Variants in DLGAP1 observed in about 807,000 individuals in gnomAD.
DLGAP1 encodes the protein DLG associated protein 1, also known as disks large-associated protein 1.
A neutral mutation model predicts 90.8 loss-of-function variants in DLGAP1; 11 were observed. That is an observed-to-expected ratio of 0.12 (90% CI 0.08 to 0.20). The LOEUF (loss-of-function observed/expected upper bound fraction) is 0.20, where lower values mean the gene tolerates loss of function less well. Ranked by LOEUF, DLGAP1 falls within the 10% of genes least tolerant of loss-of-function variation. The pLI, the probability that DLGAP1 is intolerant of heterozygous loss-of-function variation, is 1.00. For synonymous variants in DLGAP1, 558 were observed against 540.7 expected (o/e 1.03, Z -0.44); for missense variants, 1,050 against 1,333.8 (o/e 0.79, Z 3.31).
At chr18:4,074,288 G>A (rs2075493227) in intron 2 of DLGAP1, among the ~76,000 whole-genome samples, 1 of 151,874 alleles carries the variant, frequency 6.6e-6, no homozygotes, top group Non-Finnish European at 1.5e-5. Context: ...TATTTCTTAG[G>A]TTCTACCTCT....
Position 3,960,431 on chromosome 18 carries a change from C to A in DLGAP1, c.-73+44685G>T, listed in dbSNP as rs28576272. ...AAATTGCTTTAGCCAGGCATGGTGG[C>A]CTGTACCTATAGTCCCAGCTAATGG... On this transcript the variant is annotated intron_variant, in intron 3 of 12. Coordinates refer to ENST00000315677, the MANE Select transcript of DLGAP1 (RefSeq NM_004746.4). Among the ~76,000 whole-genome samples, 108 of 152,102 alleles carry A rather than the reference C, an allele frequency of 7.1e-4. 1 individual carries two copies. The highest frequency in any genetic ancestry group is 2.5e-3 in the African/African-American group (103 of 41,488).
intron 5 of DLGAP1, chr18:3,774,136 G>A (rs3844078): frequency 0.51 from 77,370 of 151,908 alleles, 20,474 homozygotes; most frequent in African/African-American, 0.65. Context: ...AGCTGTTCCA[G>A]TAACTCAGTG....
chr18:4,104,179 T>C (rs1009061947), intron 2 of DLGAP1, among the ~76,000 whole-genome samples: 1 of 152,018 alleles, frequency 6.6e-6, no homozygotes, highest in Non-Finnish European at 1.5e-5. Context: ...AGAAATCACC[T>C]AACATTTTCT....
At chr18:4,187,312 T>C (rs1431895918) in intron 1 of DLGAP1, among the ~76,000 whole-genome samples, 4 of 152,122 alleles carry the variant, frequency 2.6e-5, no homozygotes, top group Non-Finnish European at 5.9e-5. Context: ...AGACAGAGCA[T>C]CCTTGTCTTG....
Position 3,518,699 on chromosome 18 carries a change from C to T in DLGAP1, c.2480-10038G>A, listed in dbSNP as rs73939846. On this transcript the variant is annotated intron_variant, in intron 10 of 12. Coordinates refer to ENST00000315677, the MANE Select transcript of DLGAP1 (RefSeq NM_004746.4). ...ACTCAGACTCTTTTTCCTTTAATGGCCATAATATCATCTCCATAGCATTGC... is the reference window on the plus strand; with the variant it reads ...ACTCAGACTCTTTTTCCTTTAATGGTCATAATATCATCTCCATAGCATTGC... Among the ~76,000 whole-genome samples, 335 of 152,182 alleles carry T rather than the reference C, an allele frequency of 2.2e-3. 1 individual carries two copies. The highest frequency in any genetic ancestry group is 7.3e-3 in the African/African-American group (302 of 41,506).
chr18:4,216,668 T>C (rs969881587), intron 1 of DLGAP1, among the ~76,000 whole-genome samples: 4 of 152,118 alleles, frequency 2.6e-5, no homozygotes, highest in African/African-American at 9.7e-5. Context: ...ACAACTTCTA[T>C]CTTACTCCCT....
chr18:3,770,274 A>T (rs1296164561), intron 5 of DLGAP1, among the ~76,000 whole-genome samples: 1 of 152,114 alleles, frequency 6.6e-6, no homozygotes, highest in Non-Finnish European at 1.5e-5. Context: ...TCACTGTGGG[A>T]GAGAGAAGGC....
intron 1 of DLGAP1, among the ~76,000 whole-genome samples, chr18:4,291,545 T>TATAC (rs201623485): frequency 6.7e-4 from 102 of 152,204 alleles, no homozygotes; most frequent in Middle Eastern, 3.4e-3. Flanking sequence ...TGGATTATTT[T>TATAC]ATACATACAT....
At chr18:4,029,856 T>G (rs533354391) in intron 2 of DLGAP1, among the ~76,000 whole-genome samples, 2 of 152,316 alleles carry the variant, frequency 1.3e-5, no homozygotes, top group African/African-American at 4.8e-5. Context: ...TGGCCCTATT[T>G]AACTTGGCAA....
chr18:3,605,330 G>A (rs939477360), intron 7 of DLGAP1, among the ~76,000 whole-genome samples: 1 of 152,204 alleles, frequency 6.6e-6, no homozygotes, highest in Non-Finnish European at 1.5e-5. Flanking sequence ...TAGTTCTCAT[G>A]AGAACACAGC....
chr18:3,643,658 A>T (rs1170614046), intron 7 of DLGAP1, among the ~76,000 whole-genome samples: 2 of 103,734 alleles, frequency 1.9e-5, no homozygotes. Context: ...GCGAGACTCC[A>T]TCTCAAAAAA....
chr18:4,362,744 G>A (rs1038704340), intron 1 of DLGAP1, among the ~76,000 whole-genome samples: 1 of 152,064 alleles, frequency 6.6e-6, no homozygotes, highest in Non-Finnish European at 1.5e-5. Flanking sequence ...TATATGTTAC[G>A]TACATTTTAC....
At chr18:3,891,907 T>G (rs1234580583) in intron 3 of DLGAP1, 1 of 151,780 alleles carries the variant, frequency 6.6e-6, no homozygotes, top group Admixed American at 6.6e-5. Context: ...CCTGGACAAT[T>G]TTTTTCATTT....
chr18:3,930,846 T>C (rs1438634585), intron 3 of DLGAP1, among the ~76,000 whole-genome samples: 1 of 152,176 alleles, frequency 6.6e-6, no homozygotes, highest in Non-Finnish European at 1.5e-5. Context: ...AACGACCCAC[T>C]AGCCCTCAAA....
At chr18:3,562,980 C>G (rs2054227921) in intron 9 of DLGAP1, among the ~76,000 whole-genome samples, 1 of 152,036 alleles carries the variant, frequency 6.6e-6, no homozygotes, top group African/African-American at 2.4e-5. Context: ...AGGCATGCAC[C>G]ACAGCCAGAT....
chr18:3,676,989 G>A (rs1344467235), intron 7 of DLGAP1, among the ~76,000 whole-genome samples: 2 of 151,950 alleles, frequency 1.3e-5, no homozygotes, highest in African/African-American at 4.8e-5. Context: ...CTCTTATTTT[G>A]AGGCTAATTC....
At chr18:3,528,169 C>T (rs886750953) in intron 10 of DLGAP1, among the ~76,000 whole-genome samples, 5 of 152,148 alleles carry the variant, frequency 3.3e-5, no homozygotes, top group Non-Finnish European at 7.3e-5. Flanking sequence ...AGAGGCCCTC[C>T]TTCTGCAGGT....
At chr18:3,752,574 C>A (rs1257987281) in intron 5 of DLGAP1, among the ~76,000 whole-genome samples, 1 of 118,628 alleles carries the variant, frequency 8.4e-6, no homozygotes, top group Non-Finnish European at 1.6e-5. Flanking sequence ...CTTTCTCTTT[C>A]TTTCTTCTCT....
At chr18:4,349,085 T>C (rs1370394895) in intron 1 of DLGAP1, among the ~76,000 whole-genome samples, 1 of 152,086 alleles carries the variant, frequency 6.6e-6, no homozygotes, top group Non-Finnish European at 1.5e-5. Context: ...TATAAATTTA[T>C]AGTGGAGAAA....
Sources: gnomAD v4.1 joint callset for allele counts (sites outside exome capture counted in the v4.1 genomes callset) on GRCh38, gnomAD v4.1.1 for gene constraint, MANE v1.5 for transcripts, NCBI Gene and HGNC (gene_info 2026-07-23, HGNC 2026-07-21) for gene names.